RFX3: variants seen among roughly 807,000 people sequenced by gnomAD.
RFX3 encodes transcription factor RFX3.
RFX3 carries 14 observed loss-of-function variants against 98.6 expected under a neutral mutation model. The ratio of observed to expected loss-of-function variants is 0.14; its 90% CI spans 0.09 to 0.22. The LOEUF (loss-of-function observed/expected upper bound fraction) is 0.22. Ranked by LOEUF, RFX3 falls within the 10% of genes least tolerant of loss-of-function variation. RFX3 has a pLI of 1.00. For synonymous variants in RFX3, 383 were observed against 328.4 expected, an observed-to-expected ratio of 1.17 and a Z score of -1.80; for missense variants, 639 against 926.9, an observed-to-expected ratio of 0.69 and a Z score of 4.03.
At chr9:3,272,314 G>A (rs1402153212) in intron 9 of RFX3, among the ~76,000 whole-genome samples, 2 of 151,948 alleles carry the variant, frequency 1.3e-5, no homozygotes, top group Non-Finnish European at 2.9e-5. Flanking sequence ...AGAAATCAGG[G>A]GACAATCTAG....
At chr9:3,352,257 C>CAT (rs921995358) in intron 2 of RFX3, among the ~76,000 whole-genome samples, 18 of 151,414 alleles carry the variant, frequency 1.2e-4, no homozygotes, top group African/African-American at 3.6e-4. Flanking sequence ...TGTGTGTGTG[C>CAT]ATATATATAT....
intron 1 of RFX3, among the ~76,000 whole-genome samples, chr9:3,426,125 T>A (rs1288289355): frequency 1.3e-5 from 2 of 152,154 alleles, no homozygotes; most frequent in Non-Finnish European, 2.9e-5. Context: ...ATGAACAACG[T>A]TTCTGTTTTT....
At chr9:3,434,031 T>A (rs565336686) in intron 1 of RFX3, among the ~76,000 whole-genome samples, 1 of 152,262 alleles carries the variant, frequency 6.6e-6, no homozygotes, top group Admixed American at 6.5e-5. Flanking sequence ...TTTGTACTAA[T>A]CATGTGAAAT....
intron 15 of RFX3, among the ~76,000 whole-genome samples, chr9:3,232,296 A>G (rs1818574246): frequency 6.6e-6 from 1 of 152,166 alleles, no homozygotes; most frequent in Admixed American, 6.5e-5. Context: ...AGTATACAGT[A>G]GGCTTTCTCT....
At chr9:3,307,542 A>C (rs1829470240) in intron 4 of RFX3, among the ~76,000 whole-genome samples, 1 of 152,172 alleles carries the variant, frequency 6.6e-6, no homozygotes, top group African/African-American at 2.4e-5. Flanking sequence ...ACATATTTTC[A>C]AATCACAGCT....
At chr9:3,414,701 T>TATATATGTATATATGAGC (rs1842767764) in intron 1 of RFX3, among the ~76,000 whole-genome samples, 1 of 134,126 alleles carries the variant, frequency 7.5e-6, no homozygotes, top group African/African-American at 2.9e-5. Flanking sequence ...TATATATGAG[T>TATATATGTATATATGAGC]ATATATGAGT....
intron 15 of RFX3, chr9:3,247,552 C>T (rs1016262940): frequency 1.0e-5 from 11 of 1,093,412 alleles, no homozygotes; most frequent in South Asian, 6.2e-5. Flanking sequence ...AACTGTGCCT[C>T]GCACATAGTA....
At chr9:3,376,978 A>G (rs1363017322) in intron 2 of RFX3, among the ~76,000 whole-genome samples, 2 of 152,198 alleles carry the variant, frequency 1.3e-5, no homozygotes, top group Admixed American at 6.5e-5. Context: ...AAATAGGAAC[A>G]CTTTTACACT....
chr9:3,435,802 T>TAAA lies in RFX3; in HGVS notation c.-8-40209_-8-40207dup, dbSNP rs34925429. Among the ~76,000 whole-genome samples the TAAA allele has an allele frequency of 4.8e-3, 470 of 97,590 alleles. 5 individuals are homozygous for TAAA. The highest frequency in any genetic ancestry group is 0.017 in the African/African-American group (442 of 25,862). The allele number at this position is 97,590 out of a possible 152,430, so 64.0% of individuals were successfully genotyped here. The stretch of plus-strand genomic sequence containing the variant: ...TTATACTTAAGAAGCATCTGCATTG[T>TAAA]AAAAAAAAAAAAAAAAAAAAAAAGG... On this transcript the variant is annotated intron_variant, in intron 1 of 16. Transcript: ENST00000617270.
In RFX3 at chr9:3,420,849, T is replaced by C. The variant is rs1018501638; in HGVS notation, c.-8-25253A>G. On this transcript the variant is annotated intron_variant, in intron 1 of 16. Coordinates refer to ENST00000617270, the MANE Select transcript of RFX3 (RefSeq NM_001282116.2). ...AAGATGTCAGAAAGCATTCTGTCCA[T>C]TTAAATCCCTTAGATCCTGATCTGC... is the stretch of plus-strand genomic sequence containing the variant. 15 of 985,076 alleles carry C rather than the reference T, an allele frequency of 1.5e-5. No homozygotes were observed. The South Asian group carries it at 6.6e-4, about 43-fold the overall frequency. The allele number at this position is 985,076 out of a possible 1,614,324, so 61.0% of individuals were successfully genotyped here. A position where few individuals can be genotyped will look rare whatever the true frequency, so the allele number is the denominator to read the frequency against.
chr9:3,233,574 A>G (rs1818758809), intron 15 of RFX3, among the ~76,000 whole-genome samples: 2 of 152,150 alleles, frequency 1.3e-5, no homozygotes, highest in South Asian at 4.1e-4. Flanking sequence ...GAAGTAGGAG[A>G]GAAGGAAAGA....
At chr9:3,451,160 C>T (rs920792275) in intron 1 of RFX3, among the ~76,000 whole-genome samples, 1 of 152,154 alleles carries the variant, frequency 6.6e-6, no homozygotes, top group Non-Finnish European at 1.5e-5. Context: ...AAAGAGCTCT[C>T]AATGGCCAAA....
chr9:3,378,873 G>T (rs1450245282), intron 2 of RFX3, among the ~76,000 whole-genome samples: 3 of 151,950 alleles, frequency 2.0e-5, no homozygotes, highest in Non-Finnish European at 2.9e-5. Flanking sequence ...TCATATTCTA[G>T]TAAGTCTTGT....
At position 3,288,229 on chromosome 9, in the gene RFX3, G is replaced by A. The variant is rs774949553; in HGVS notation, c.753C>T (p.Tyr251=). The A allele has an allele frequency of 1.2e-6, 2 of 1,612,114 alleles. No individual in the cohort carries two copies. The highest frequency in any genetic ancestry group is 1.7e-6 in the Non-Finnish European group (2 of 1,178,454). ...LGTRGNSKYH[Y]YGIRVKPDSP... is the part of the protein sequence containing the mutation. ...AATCTGGCTTGACACGAATCCCATAGTAGTGGTATTTGGAGTTTCCTCTTC... is the reference window on the plus strand; with the variant it reads ...AATCTGGCTTGACACGAATCCCATAATAGTGGTATTTGGAGTTTCCTCTTC... The change falls in exon 7 of 17, where the codon TAC becomes TAT. Residue 251 remains tyrosine (Y), a synonymous_variant. Coordinates refer to ENST00000617270, the MANE Select transcript of RFX3 (RefSeq NM_001282116.2).
chr9:3,282,257 A>G (rs1318426133), intron 7 of RFX3, among the ~76,000 whole-genome samples: 1 of 151,800 alleles, frequency 6.6e-6, no homozygotes, highest in Non-Finnish European at 1.5e-5. Context: ...CTTTTAGAAT[A>G]GTAGCTAATT....
intron 1 of RFX3, among the ~76,000 whole-genome samples, chr9:3,499,528 G>C (rs1345449509): frequency 1.3e-5 from 2 of 151,818 alleles, no homozygotes; most frequent in Non-Finnish European, 2.9e-5. Context: ...ACTAAAATTA[G>C]ATAGCATTAT....
intron 1 of RFX3, among the ~76,000 whole-genome samples, chr9:3,451,778 C>T (rs1359160029): frequency 2.0e-5 from 3 of 151,460 alleles, no homozygotes; most frequent in Non-Finnish European, 4.4e-5. Flanking sequence ...TTAATATCTT[C>T]ACATGCTTTC....
chr9:3,517,750 G>C (rs573182217), intron 1 of RFX3, among the ~76,000 whole-genome samples: 19 of 152,312 alleles, frequency 1.2e-4, no homozygotes, highest in African/African-American at 4.1e-4. Flanking sequence ...GGAGCCTTCT[G>C]AATCAAAACC....
chr9:3,505,366 T>TAAA (rs1273491088), intron 1 of RFX3, among the ~76,000 whole-genome samples: 271 of 1,000 alleles, frequency 0.27, 11 homozygotes, highest in Middle Eastern at 0.5. Flanking sequence ...TTTATATAAA[T>TAAA]ATAAAATATT....
Sources: gnomAD v4.1 joint callset for allele counts (sites outside exome capture counted in the v4.1 genomes callset) on GRCh38, gnomAD v4.1.1 for gene constraint, MANE v1.5 for transcripts, NCBI Gene and HGNC (gene_info 2026-07-23, HGNC 2026-07-21) for gene names.